SLC25A47: variants seen among roughly 807,000 people sequenced by gnomAD.
SLC25A47 encodes HCC-down-regulated mitochondrial carrier protein.
SLC25A47 carries 30 observed loss-of-function variants against 29.8 expected under a neutral mutation model. The observed-to-expected ratio is 1.01, with a 90% confidence interval of 0.75 to 1.36. The LOEUF (loss-of-function observed/expected upper bound fraction) is 1.36. Ranked by LOEUF, SLC25A47 falls within the 40% of genes most tolerant of loss-of-function variation. The pLI is 0.00. For missense variants in SLC25A47, 430 were observed against 441.9 expected, an observed-to-expected ratio of 0.97 and a Z score of 0.24; for synonymous variants, 204 against 197.8, an observed-to-expected ratio of 1.03 and a Z score of -0.26.
At position 100,323,401 on chromosome 14, in the gene SLC25A47, G is replaced by T. The variant is rs369679310; in HGVS notation, c.-14G>T. Reference sequence around the variant, plus strand: ...AGGCAGGCAGACCCAGGGCCTCCCCGCCACACCTTGTTCATGGATTTTGTC... The same window carrying T: ...AGGCAGGCAGACCCAGGGCCTCCCCTCCACACCTTGTTCATGGATTTTGTC... On this transcript the variant is annotated 5_prime_UTR_variant, in exon 1 of 6. Transcript: ENST00000361529. 1.2e-6 allele frequency: 2 copies of T among 1,613,534 alleles called. No individual in the cohort carries two copies. Among genetic ancestry groups the T allele is most frequent in the Admixed American group, 3.3e-5 (2 of 60,006 alleles).
intron 3 of SLC25A47, among the ~76,000 whole-genome samples, chr14:100,326,807 C>CT (rs1260521781): frequency 1.3e-5 from 2 of 152,206 alleles, no homozygotes. Flanking sequence ...AACCCCGTCT[C>CT]TACTAAAAAT....
In SLC25A47 at chr14:100,325,816, C is replaced by G; in HGVS notation, c.57C>G (p.Pro19=). 1 of 1,612,700 alleles carries G rather than the reference C, an allele frequency of 6.2e-7. No individual in the cohort carries two copies. Among genetic ancestry groups the G allele is most frequent in the Non-Finnish European group, 8.5e-7 (1 of 1,179,350 alleles). The change falls in exon 2 of 6, where the codon CCC becomes CCG. Residue 19 remains proline (P), a synonymous_variant. Coordinates refer to ENST00000361529, the MANE Select transcript of SLC25A47 (RefSeq NM_207117.4). ...TCTGCGGTGTTGCTGTGGGCTACCC[C>G]CTGGACACGGTGAAGGTGCGGCAAT... ...GGVCGVAVGY[P]LDTVKVRIQT... is the part of the protein sequence containing the mutation.
rs59115201 is a variant in SLC25A47 at position 100,324,227 on chromosome 14, C to CT, written c.28+795dup. On this transcript the variant is annotated intron_variant, in intron 1 of 5. Transcript: ENST00000361529. ...TACCTGCCCCATTAACAGGCTTTTT[C>CT]TTTTTTTTTTCCCTTGAGATGGAGT... Among the ~76,000 whole-genome samples the CT allele has an allele frequency of 2.3e-4, 35 of 149,462 alleles. 1 individual carries two copies. Among genetic ancestry groups the CT allele is most frequent in the African/African-American group, 6.1e-4 (25 of 40,794 alleles).
At chr14:100,324,400 T>G (rs1893301704) in intron 1 of SLC25A47, among the ~76,000 whole-genome samples, 1 of 151,892 alleles carries the variant, frequency 6.6e-6, no homozygotes, top group Non-Finnish European at 1.5e-5. Context: ...AATTTTTGGG[T>G]TTTTAGTAGA....
At chr14:100,326,095 GGGC>G in intron 2 of SLC25A47, 59 bp from the exon 3 acceptor site, 1 of 1,415,442 alleles carries the variant, frequency 7.1e-7, no homozygotes, top group Non-Finnish European at 9.9e-7. Context: ...CCCTTCCCCA[GGGC>G]CTGCTGGCCT....
chr14:100,327,399 G>A (rs1325754712), intron 4 of SLC25A47, 29 bp downstream of exon 4: 4 of 1,559,652 alleles, frequency 2.6e-6, no homozygotes, highest in East Asian at 2.3e-5. Flanking sequence ...GGTGGGGAAG[G>A]CCCAAGAGAG....
In SLC25A47 at chr14:100,323,400, C is replaced by T. The variant is rs375908208; in HGVS notation, c.-15C>T. The T allele has an allele frequency of 4.0e-5, 64 of 1,613,528 alleles. No homozygotes were observed. The highest frequency in any genetic ancestry group is 2.4e-4 in the South Asian group (22 of 91,078). On this transcript the variant is annotated 5_prime_UTR_variant, in exon 1 of 6. Transcript: ENST00000361529. ...CAGGCAGGCAGACCCAGGGCCTCCC[C>T]GCCACACCTTGTTCATGGATTTTGT...
At chr14:100,326,985 G>A (rs959073672) in intron 3 of SLC25A47, among the ~76,000 whole-genome samples, 3 of 152,130 alleles carry the variant, frequency 2.0e-5, no homozygotes, top group African/African-American at 7.2e-5. Flanking sequence ...TCAAGCAGCT[G>A]GGCTGGGTTG....
intron 3 of SLC25A47, among the ~76,000 whole-genome samples, chr14:100,326,798 A>T (rs1306219321): frequency 6.6e-6 from 1 of 152,188 alleles, no homozygotes; most frequent in African/African-American, 2.4e-5. Context: ...ACATGGTGAA[A>T]CCCCGTCTCT....
chr14:100,328,885 C>G lies in SLC25A47; in HGVS notation c.487C>G (p.Leu163Val). 1.9e-6 allele frequency: 3 copies of G among 1,611,738 alleles called. No individual in the cohort carries two copies. The highest frequency in any genetic ancestry group is 2.5e-6 in the Non-Finnish European group (3 of 1,179,788). Reference sequence around the variant, plus strand: ...CCCAGAGCCCAAGTACCGCGGGCCACTGCACTGCCTGGCCACGGTAGCCCG... The same window carrying G: ...CCCAGAGCCCAAGTACCGCGGGCCAGTGCACTGCCTGGCCACGGTAGCCCG... ...ACPEPKYRGP[L>V]HCLATVAREE... The change falls in exon 5 of 6, where the codon CTG (leucine) becomes GTG (valine). Residue 163 changes from leucine to valine, a missense_variant. By Grantham distance (32) the Leu-to-Val change is conservative. Coordinates refer to ENST00000361529, the MANE Select transcript of SLC25A47 (RefSeq NM_207117.4).
rs768203496 is a variant in SLC25A47, at chr14:100,328,877, G to T, written c.479G>T (p.Arg160Leu). 8.7e-6 allele frequency: 14 copies of T among 1,611,712 alleles called. No individual in the cohort carries two copies. The South Asian group carries it at 1.4e-4, about 16-fold the overall frequency. The change falls in exon 5 of 6, where the codon CGC (arginine) becomes CTC (leucine). Residue 160 changes from arginine to leucine, a missense_variant. Coordinates refer to ENST00000361529, the MANE Select transcript of SLC25A47 (RefSeq NM_207117.4). ...CCAGCCTGCCCAGAGCCCAAGTACC[G>T]CGGGCCACTGCACTGCCTGGCCACG... ...VPPACPEPKY[R>L]GPLHCLATVA...
rs56764997 is a variant in SLC25A47 at position 100,329,657 on chromosome 14, G to C, written c.*12G>C. The C allele has an allele frequency of 2.7e-4, 434 of 1,594,064 alleles. No individual in the cohort carries two copies. The African/African-American group carries it at 4.9e-3, about 18-fold the overall frequency. ...GTCTGCTCACATAGCCGGTCCCCAC[G>C]CCCAGCGGCCCACCCACCAGCAGCT... is the stretch of plus-strand genomic sequence containing the variant. On this transcript the variant is annotated 3_prime_UTR_variant, in exon 6 of 6. Coordinates refer to ENST00000361529, the MANE Select transcript of SLC25A47 (RefSeq NM_207117.4).
Position 100,329,435 on chromosome 14 carries a change from C to T in SLC25A47, c.717C>T (p.Asp239=), listed in dbSNP as rs754918242. ...VLAWAVATPM[D]VIKSRLQADG... ...CCTGGGCTGTGGCCACCCCCATGGACGTGATCAAGTCGAGACTGCAGGCAG... is the reference window on the plus strand; with the variant it reads ...CCTGGGCTGTGGCCACCCCCATGGATGTGATCAAGTCGAGACTGCAGGCAG... The change falls in exon 6 of 6, where the codon GAC becomes GAT. Residue 239 remains aspartate, a synonymous_variant. Transcript: ENST00000361529. 9.3e-6 allele frequency: 15 copies of T among 1,613,196 alleles called. No homozygotes were observed. The highest frequency in any genetic ancestry group is 1.6e-4 in the Middle Eastern group (1 of 6,084).
intron 4 of SLC25A47, among the ~76,000 whole-genome samples, chr14:100,327,822 C>A (rs34184867): frequency 3.9e-5 from 6 of 152,184 alleles, no homozygotes; most frequent in South Asian, 2.1e-4. Flanking sequence ...CCCTTGCTCC[C>A]GCAGGGGAGA....
At chr14:100,326,333 CTCACCTTCCACATGGGAATAG>C in intron 3 of SLC25A47, 105 bp downstream of exon 3, 11 of 992,568 alleles carry the variant, frequency 1.1e-5, no homozygotes, top group Non-Finnish European at 1.7e-5. Context: ...TCTCAGCTCT[CTCACCTTCCACATGGGAATAG>C]TTCTGCCAAT....
chr14:100,328,884 A>T lies in SLC25A47; in HGVS notation c.486A>T (p.Pro162=). Residue 162 remains proline (P), a synonymous_variant, in exon 5 of 6, where the codon CCA becomes CCT. Coordinates refer to ENST00000361529, the MANE Select transcript of SLC25A47 (RefSeq NM_207117.4). ...GCCCAGAGCCCAAGTACCGCGGGCC[A>T]CTGCACTGCCTGGCCACGGTAGCCC... ...PACPEPKYRG[P]LHCLATVARE... 1 of 1,611,804 alleles carries T rather than the reference A, an allele frequency of 6.2e-7. No individual in the cohort carries two copies. The highest frequency in any genetic ancestry group is 1.3e-5 in the African/African-American group (1 of 75,056).
At chr14:100,329,131 G>C in intron 5 of SLC25A47, 87 bp downstream of exon 5, 3 of 1,454,086 alleles carry the variant, frequency 2.1e-6, no homozygotes, top group Non-Finnish European at 2.8e-6. Flanking sequence ...CAGTACCCGA[G>C]TGGGGGCTTG....
intron 1 of SLC25A47, 111 bp from the exon 2 acceptor site, chr14:100,325,677 T>G: frequency 1.8e-6 from 2 of 1,110,356 alleles, no homozygotes; most frequent in Admixed American, 2.5e-5. Context: ...AATGTGGGTC[T>G]GCCCTTGGGG....
chr14:100,329,117 C>T (rs1173906989), intron 5 of SLC25A47, 73 bp downstream of exon 5: 3 of 1,498,926 alleles, frequency 2.0e-6, no homozygotes, highest in African/African-American at 1.4e-5. Flanking sequence ...GTCGTGCTGC[C>T]CGCCAGTACC....
Sources: allele counts gnomAD v4.1 joint callset (sites outside exome capture counted in the v4.1 genomes callset), GRCh38; gene constraint gnomAD v4.1.1; transcripts MANE v1.5; gene names NCBI Gene and HGNC (gene_info 2026-07-23, HGNC 2026-07-21).